The following GPATCH8 variants were observed in gnomAD, a reference collection of about 807,000 sequenced individuals.
GPATCH8 encodes G-patch domain containing 8.
GPATCH8 carries 18 observed loss-of-function variants against 118.3 expected under a neutral mutation model. The observed-to-expected ratio is 0.15, with a 90% CI of 0.11 to 0.23. The LOEUF (loss-of-function observed/expected upper bound fraction) is 0.23, where lower values mean the gene tolerates loss of function less well. GPATCH8 is among the 10% of genes least tolerant of loss of function. The probability of loss-of-function intolerance (pLI) is 1.00; values close to 1 mark genes in which losing one functional copy is unlikely to be tolerated. For synonymous variants in GPATCH8, 659 were observed against 684.7 expected, an observed-to-expected ratio of 0.96 and a Z score of 0.59; for missense variants, 1,631 against 1,873.8, an observed-to-expected ratio of 0.87 and a Z score of 2.39.
chr17:44,499,146 A>G (rs1177625423), intron 1 of GPATCH8, among the ~76,000 whole-genome samples: 2 of 152,034 alleles, frequency 1.3e-5, no homozygotes, highest in Non-Finnish European at 2.9e-5. Flanking sequence ...TCACTGATCT[A>G]TTACTGTAGT....
At chr17:44,414,657 ATTGT>A (rs1210115967) in intron 6 of GPATCH8, among the ~76,000 whole-genome samples, 3 of 152,152 alleles carry the variant, frequency 2.0e-5, no homozygotes, top group Non-Finnish European at 4.4e-5. Flanking sequence ...CATTCTTAGA[ATTGT>A]GCAACTATCA....
intron 3 of GPATCH8, among the ~76,000 whole-genome samples, chr17:44,439,937 C>G (rs879731335): frequency 6.6e-6 from 1 of 152,058 alleles, no homozygotes; most frequent in Non-Finnish European, 1.5e-5. Flanking sequence ...GCATGCACCA[C>G]CGTGCCCGGC....
intron 4 of GPATCH8, among the ~76,000 whole-genome samples, chr17:44,436,029 CAAAAAAAAAAA>C (rs1157048818): frequency 2.9e-4 from 12 of 41,828 alleles, no homozygotes; most frequent in Admixed American, 1.1e-3. Context: ...AACTCCATCT[CAAAAAAAAAAA>C]AAAAAAAAAA....
intron 6 of GPATCH8, among the ~76,000 whole-genome samples, chr17:44,413,544 C>T (rs12451763): frequency 0.021 from 3,143 of 152,106 alleles, 49 homozygotes; most frequent in Admixed American, 0.034. Context: ...TGCAGTGGCG[C>T]GATCTTGGCT....
In GPATCH8 at chr17:44,398,696, T is replaced by TG; in HGVS notation, c.3380dup (p.Gln1128ThrfsTer15). 1 of 1,592,362 alleles carries TG rather than the reference T, an allele frequency of 6.3e-7. No homozygotes were observed. Among genetic ancestry groups the TG allele is most frequent in the South Asian group, 1.1e-5 (1 of 87,106 alleles). Reference sequence around the variant, plus strand: ...GGAGCTTGGGCCCAAAGTAACCTTGTGGGGGGTCCTTGAGCTTGGGCCCAG... The same window carrying TG: ...GGAGCTTGGGCCCAAAGTAACCTTGTGGGGGGGTCCTTGAGCTTGGGCCCAG... On this transcript the variant is annotated frameshift_variant, in exon 8 of 8. Transcript: ENST00000591680. LOFTEE classifies it high-confidence loss of function.
chr17:44,449,516 T>G (rs1290740458), intron 3 of GPATCH8, among the ~76,000 whole-genome samples: 1 of 149,582 alleles, frequency 6.7e-6, no homozygotes, highest in African/African-American at 2.5e-5. Flanking sequence ...GAATCTACTT[T>G]TTTTTTTTTT....
chr17:44,462,741 T>G (rs1257581957), intron 3 of GPATCH8, among the ~76,000 whole-genome samples: 3 of 151,954 alleles, frequency 2.0e-5, no homozygotes, highest in African/African-American at 7.2e-5. Context: ...CCAGCACTTT[T>G]GGAGGCCGAG....
intron 1 of GPATCH8, among the ~76,000 whole-genome samples, chr17:44,488,018 G>A (rs534942330): frequency 8.9e-6 from 1 of 112,250 alleles, no homozygotes; most frequent in Admixed American, 9.8e-5. Flanking sequence ...CGCCTCCTGG[G>A]TTCAAGCGAT....
chr17:44,455,669 G>C (rs2051302128), intron 3 of GPATCH8, among the ~76,000 whole-genome samples: 1 of 152,104 alleles, frequency 6.6e-6, no homozygotes. Flanking sequence ...GGGAAAGTAA[G>C]ATAGAAAGAC....
At chr17:44,470,417 A>G (rs1237215546) in intron 2 of GPATCH8, among the ~76,000 whole-genome samples, 2 of 149,964 alleles carry the variant, frequency 1.3e-5, no homozygotes, top group African/African-American at 4.9e-5. Flanking sequence ...AGAATGGTCT[A>G]TCTCCTGACC....
At chr17:44,460,267 T>TGAAA (rs1201666767) in intron 3 of GPATCH8, among the ~76,000 whole-genome samples, 1 of 152,216 alleles carries the variant, frequency 6.6e-6, no homozygotes, top group Non-Finnish European at 1.5e-5. Flanking sequence ...TTTTTTGTGT[T>TGAAA]GTTTCCTTCA....
chr17:44,404,275 C>T (rs1182875160), intron 7 of GPATCH8, among the ~76,000 whole-genome samples: 1 of 146,864 alleles, frequency 6.8e-6, no homozygotes, highest in Admixed American at 6.7e-5. Context: ...GTAGCTGGGA[C>T]TACAGGCATG....
At chr17:44,431,446 C>G (rs902572968) in intron 5 of GPATCH8, among the ~76,000 whole-genome samples, 5 of 144,854 alleles carry the variant, frequency 3.5e-5, no homozygotes, top group Non-Finnish European at 7.5e-5. Flanking sequence ...CTAAAGGAGA[C>G]AGAAATGTGA....
At chr17:44,475,008 T>A (rs991744345) in intron 1 of GPATCH8, 105 bp from the exon 2 acceptor site, 46 of 681,036 alleles carry the variant, frequency 6.8e-5, no homozygotes, top group Non-Finnish European at 1.0e-4. Context: ...TTTTTTTTTT[T>A]AACCTAAAAG....
intron 1 of GPATCH8, among the ~76,000 whole-genome samples, chr17:44,487,922 C>CTTT (rs1243028763): frequency 8.8e-5 from 12 of 135,948 alleles, no homozygotes; most frequent in African/African-American, 1.4e-4. Context: ...AACCAATTAG[C>CTTT]TTTTTTTTTT....
chr17:44,496,564 G>A (rs1054943979), intron 1 of GPATCH8, among the ~76,000 whole-genome samples: 4 of 152,204 alleles, frequency 2.6e-5, no homozygotes, highest in Admixed American at 1.3e-4. Context: ...TGAGTGACAC[G>A]CACACAGGAA....
intron 1 of GPATCH8, chr17:44,486,161 A>T (rs1203135866): frequency 1.3e-5 from 2 of 152,224 alleles, no homozygotes; most frequent in Non-Finnish European, 2.9e-5. Flanking sequence ...GGTTCATACA[A>T]GACAGTTTTT....
Position 44,401,325 on chromosome 17 carries a change from G to C in GPATCH8, c.752C>G (p.Ser251Cys). 1 of 1,610,678 alleles carries C rather than the reference G, an allele frequency of 6.2e-7. No homozygotes were observed. The highest frequency in any genetic ancestry group is 8.5e-7 in the Non-Finnish European group (1 of 1,178,202). ...TGATASCGLG[S>C]EFSTDKGGPF... ...GCCTCCTTTATCTGTGGAGAATTCA[G>C]ATCCCAGGCCACAAGAAGCAGTGGC... Residue 251 changes from serine (S) to cysteine (C), a missense_variant, in exon 8 of 8, where the codon TCT becomes TGT. By Grantham distance (112) the Ser-to-Cys change is moderately radical. Transcript: ENST00000591680.
intron 3 of GPATCH8, among the ~76,000 whole-genome samples, chr17:44,450,457 A>G (rs1021784596): frequency 6.6e-6 from 1 of 152,196 alleles, no homozygotes; most frequent in Non-Finnish European, 1.5e-5. Flanking sequence ...TCAGGTCTAC[A>G]TTCTTTGCTC....
Sources: allele counts gnomAD v4.1 joint callset (sites outside exome capture counted in the v4.1 genomes callset), GRCh38; gene constraint gnomAD v4.1.1; transcripts MANE v1.5; gene names NCBI Gene and HGNC (gene_info 2026-07-23, HGNC 2026-07-21).